The following SBF2 variants were observed in gnomAD, a reference collection of about 807,000 sequenced individuals.
The protein encoded by SBF2 is SET binding factor 2.
Under a neutral mutation model 225.2 loss-of-function variants are expected in SBF2, and 112 were observed. The ratio of observed to expected loss-of-function variants is 0.50; its 90% CI spans 0.43 to 0.58. The LOEUF is 0.58. Ranked by LOEUF, SBF2 falls within the 20% of genes least tolerant of loss-of-function variation. SBF2 has a pLI of 0.00. For synonymous variants in SBF2, 763 were observed against 773.3 expected (o/e 0.99, Z 0.22); for missense variants, 1,996 against 2,206.2 (o/e 0.90, Z 1.91).
intron 36 of SBF2, among the ~76,000 whole-genome samples, chr11:9,787,166 T>A (rs1852428571): frequency 6.6e-6 from 1 of 152,250 alleles, no homozygotes; most frequent in African/African-American, 2.4e-5. Flanking sequence ...AGTGCTGGGA[T>A]TATAGGCGTG....
chr11:9,866,432 T>C (rs925518735), intron 17 of SBF2, among the ~76,000 whole-genome samples: 3 of 152,182 alleles, frequency 2.0e-5, no homozygotes, highest in South Asian at 4.1e-4. Context: ...TATGTATGCA[T>C]AGCCAACTGA....
At chr11:10,296,629 A>G (rs1964552349), upstream of SBF2, among the ~76,000 whole-genome samples, 2 of 152,128 alleles carry the variant, frequency 1.3e-5, no homozygotes, top group Admixed American at 1.3e-4. Flanking sequence ...TTTATCTGGA[A>G]CAACCCATAT....
chr11:9,854,627 C>G (rs1857187502), intron 19 of SBF2, among the ~76,000 whole-genome samples: 2 of 152,130 alleles, frequency 1.3e-5, no homozygotes, highest in South Asian at 4.2e-4. Context: ...CTCTGTCACC[C>G]AGGCGAGAGT....
intron 2 of SBF2, among the ~76,000 whole-genome samples, chr11:10,052,467 T>A (rs1028204387): frequency 7.9e-5 from 12 of 152,186 alleles, no homozygotes; most frequent in African/African-American, 2.4e-4. Flanking sequence ...TGTTCTTCTG[T>A]CTTTGTTTAT....
intron 2 of SBF2, among the ~76,000 whole-genome samples, chr11:10,181,134 T>C (rs930103506): frequency 6.6e-6 from 1 of 152,078 alleles, no homozygotes; most frequent in African/African-American, 2.4e-5. Context: ...TAGGGCTTAG[T>C]CTATTAATTT....
intron 1 of SBF2, among the ~76,000 whole-genome samples, chr11:10,255,373 T>TA (rs1198299866): frequency 1.3e-5 from 2 of 152,144 alleles, no homozygotes; most frequent in Non-Finnish European, 2.9e-5. Context: ...CAATTAAAAA[T>TA]AAAAATCTTT....
intron 2 of SBF2, among the ~76,000 whole-genome samples, chr11:10,134,330 G>C (rs1323075088): frequency 6.6e-6 from 1 of 152,062 alleles, no homozygotes; most frequent in Non-Finnish European, 1.5e-5. Context: ...GATAAAATTA[G>C]GGTGGGGACA....
chr11:9,911,144 G>T (rs1388376486), intron 16 of SBF2, among the ~76,000 whole-genome samples: 1 of 151,986 alleles, frequency 6.6e-6, no homozygotes, highest in Non-Finnish European at 1.5e-5. Flanking sequence ...GAGTCAGGTG[G>T]ATCATGAGGT....
At chr11:10,024,537 C>T (rs1590782885) in intron 6 of SBF2, among the ~76,000 whole-genome samples, 1 of 152,110 alleles carries the variant, frequency 6.6e-6, no homozygotes, top group East Asian at 1.9e-4. Flanking sequence ...CCAAGCTGTG[C>T]AGGTCACAGC....
intron 2 of SBF2, among the ~76,000 whole-genome samples, chr11:10,051,236 GTC>G (rs1296249569): frequency 6.6e-6 from 1 of 152,006 alleles, no homozygotes; most frequent in African/African-American, 2.4e-5. Context: ...AATTAAATGT[GTC>G]TCTTTTTAAA....
chr11:9,781,975 A>C (rs1318759394), intron 38 of SBF2, among the ~76,000 whole-genome samples: 1 of 152,146 alleles, frequency 6.6e-6, no homozygotes. Flanking sequence ...ACTTAAGCCC[A>C]GGAGTTCGAG....
chr11:9,967,949 C>CTGTCTG (rs1272756811), intron 14 of SBF2, among the ~76,000 whole-genome samples: 1,641 of 101,946 alleles, frequency 0.016, 24 homozygotes, highest in South Asian at 0.086. Flanking sequence ...GTCTGTCTGT[C>CTGTCTG]TCTCTCTCTC....
chr11:10,184,221 T>C (rs1956845095), intron 2 of SBF2, among the ~76,000 whole-genome samples: 1 of 152,206 alleles, frequency 6.6e-6, no homozygotes, highest in Non-Finnish European at 1.5e-5. Context: ...ATGATATATA[T>C]GTGAGTTTGC....
Position 9,784,207 on chromosome 11 carries a change from T to TGAG in SBF2, c.5319+141_5319+143dup, listed in dbSNP as rs549927829. The stretch of plus-strand genomic sequence containing the variant: ...CTTACTCAGGGACATCTGGGGCCCT[T>TGAG]GAGGAGCCTCCAGACTACATATGAG... On this transcript the variant is annotated intron_variant, in intron 38 of 39. Transcript: ENST00000256190. The TGAG allele has an allele frequency of 7.7e-4, 525 of 678,796 alleles. 1 individual carries two copies. Among genetic ancestry groups the TGAG allele is most frequent in the Admixed American group, 2.4e-3 (104 of 42,544 alleles). 42.0% of individuals were successfully genotyped at this position (678,796 alleles called of 1,614,324 possible). A position where few individuals can be genotyped will look rare whatever the true frequency, so the allele number is the denominator to read the frequency against.
chr11:9,951,020 G>C (rs941176743), intron 16 of SBF2, among the ~76,000 whole-genome samples: 5 of 152,284 alleles, frequency 3.3e-5, no homozygotes, highest in African/African-American at 1.2e-4. Context: ...AGATGAAGTA[G>C]AGGCACAGAG....
At chr11:10,035,720 T>A (rs775514472) in intron 3 of SBF2, among the ~76,000 whole-genome samples, 1 of 152,078 alleles carries the variant, frequency 6.6e-6, no homozygotes, top group Non-Finnish European at 1.5e-5. Flanking sequence ...TGAGATACCA[T>A]CTCACACCAG....
chr11:10,128,261 G>T (rs1289874700), intron 2 of SBF2, among the ~76,000 whole-genome samples: 1 of 152,162 alleles, frequency 6.6e-6, no homozygotes, highest in Non-Finnish European at 1.5e-5. Flanking sequence ...GTCAGGCATT[G>T]TATCAGTTTT....
chr11:10,094,639 A>T (rs1220244728), intron 2 of SBF2, among the ~76,000 whole-genome samples: 2 of 148,330 alleles, frequency 1.3e-5, no homozygotes, highest in Non-Finnish European at 3.0e-5. Context: ...AGTAGCTGGG[A>T]TTACAGGTGC....
In SBF2 at chr11:10,134,092, G is replaced by C. The variant is rs192491160; in HGVS notation, c.141+59810C>G. On this transcript the variant is annotated intron_variant, in intron 2 of 39. Coordinates refer to ENST00000256190, the MANE Select transcript of SBF2 (RefSeq NM_030962.4). ...ATAGACTCACAGTTCCATGTGGCTG[G>C]GGAGGCCTCACAATCATGGCAGAAG... Among the ~76,000 whole-genome samples the C allele has an allele frequency of 3.3e-4, 50 of 152,250 alleles. No homozygotes were observed. The East Asian group carries it at 9.7e-3, about 29-fold the overall frequency.
Sources: allele counts gnomAD v4.1 joint callset (sites outside exome capture counted in the v4.1 genomes callset), GRCh38; gene constraint gnomAD v4.1.1; transcripts MANE v1.5; gene names NCBI Gene and HGNC (gene_info 2026-07-23, HGNC 2026-07-21).